Variants in FBXL19 observed in about 807,000 individuals in gnomAD.
The protein encoded by FBXL19 is F-box and leucine rich repeat protein 19.
Under a neutral mutation model 71.2 loss-of-function variants are expected in FBXL19, and 16 were observed. That is an observed-to-expected ratio of 0.22 (90% CI 0.15 to 0.34). The LOEUF is 0.34. FBXL19 is among the 10% of genes least tolerant of loss of function. The probability of loss-of-function intolerance (pLI) is 1.00; values close to 1 mark genes in which losing one functional copy is unlikely to be tolerated. For synonymous variants in FBXL19, 447 were observed against 409.4 expected (o/e 1.09, Z -1.11); for missense variants, 658 against 968.2 (o/e 0.68, Z 4.25).
intron 7 of FBXL19, among the ~76,000 whole-genome samples, chr16:30,934,598 C>T (rs1011227607): frequency 6.6e-6 from 1 of 151,928 alleles, no homozygotes; most frequent in African/African-American, 2.4e-5. Flanking sequence ...GCGGAGGTTG[C>T]AGTGAGCCAA....
chr16:30,940,953 G>GCCACTGCACCCAGC (rs1567341450), intron 7 of FBXL19, among the ~76,000 whole-genome samples: 1 of 152,102 alleles, frequency 6.6e-6, no homozygotes, highest in African/African-American at 2.4e-5. Flanking sequence ...ACAGGTGTGA[G>GCCACTGCACCCAGC]CCACTGCACC....
chr16:30,936,783 C>T (rs1377984606), intron 7 of FBXL19, among the ~76,000 whole-genome samples: 1 of 141,558 alleles, frequency 7.1e-6, no homozygotes. Context: ...GACTCTGTTA[C>T]CCAGGCTGGA....
rs1265246837 is a variant in FBXL19 at position 30,926,822 on chromosome 16, G to T, written c.178-486G>T. Among the ~76,000 whole-genome samples, 3 of 152,230 alleles carry T rather than the reference G, an allele frequency of 2.0e-5. No individual in the cohort carries two copies. The East Asian group carries it at 5.8e-4, about 29-fold the overall frequency. On this transcript the variant is annotated intron_variant, in intron 2 of 10. Transcript: ENST00000338343. ...TGCCCCCACTTCCCCAAGACTAGTGGCTTCCCTAGTGTTCCCAGGGGGTCT... is the reference window on the plus strand; with the variant it reads ...TGCCCCCACTTCCCCAAGACTAGTGTCTTCCCTAGTGTTCCCAGGGGGTCT...
intron 7 of FBXL19, among the ~76,000 whole-genome samples, chr16:30,939,418 T>G (rs1040778399): frequency 7.0e-5 from 10 of 142,176 alleles, no homozygotes; most frequent in South Asian, 4.5e-4. Context: ...GGTTTTTTTT[T>G]TTGTTTTTTT....
intron 7 of FBXL19, among the ~76,000 whole-genome samples, chr16:30,936,165 C>T (rs1184283693): frequency 6.6e-6 from 1 of 152,166 alleles, no homozygotes; most frequent in Non-Finnish European, 1.5e-5. Context: ...TGCCTGAGGC[C>T]CCCCAAAGCC....
In FBXL19 at chr16:30,930,500, G is replaced by A. The variant is rs1300407300; in HGVS notation, c.1217G>A (p.Arg406Gln). 2.0e-6 allele frequency: 3 copies of A among 1,530,444 alleles called. No homozygotes were observed. Among genetic ancestry groups the A allele is most frequent in the South Asian group, 1.2e-5 (1 of 83,240 alleles). The allele number at this position is 1,530,444 out of a possible 1,614,324, so 94.8% of individuals were successfully genotyped here. A position where few individuals can be genotyped will look rare whatever the true frequency, so the allele number is the denominator to read the frequency against. Residue 406 changes from arginine (R) to glutamine (Q), a missense_variant, in exon 7 of 11, where the codon CGG (arginine) becomes CAG (glutamine). Physicochemically the swap from Arg to Gln is conservative, Grantham distance 43. This residue lies in a region of FBXL19 where 447 missense variants were observed against 515.4 expected (regional missense o/e 0.87). Transcript: ENST00000338343. The surrounding 1 kb of genome is among the most constrained non-coding windows in gnomAD (Gnocchi z 8.5). ...LAAGSDHPLPRAAWLRVFQHL... is the reference protein window; with the variant it reads ...LAAGSDHPLPQAAWLRVFQHL... ...GCTGGATCCGACCACCCCCTGCCCC[G>A]GGCCGCCTGGCTTCGCGTCTTCCAG...
At chr16:30,937,290 A>G (rs2055749729) in intron 7 of FBXL19, among the ~76,000 whole-genome samples, 1 of 151,892 alleles carries the variant, frequency 6.6e-6, no homozygotes, top group African/African-American at 2.4e-5. Context: ...GTTCTTGCCC[A>G]TCTGGAACAC....
intron 1 of FBXL19, chr16:30,924,741 G>T (rs1328595597): frequency 6.7e-7 from 1 of 1,495,668 alleles, no homozygotes; most frequent in East Asian, 2.7e-5. Flanking sequence ...GGATGGGTAT[G>T]AAAGTCCCCG....
intron 6 of FBXL19, among the ~76,000 whole-genome samples, chr16:30,929,235 G>T (rs2055640873): frequency 6.6e-6 from 1 of 152,128 alleles, no homozygotes; most frequent in African/African-American, 2.4e-5. Context: ...TGTAACCTTG[G>T]ACAAGTCACT....
In FBXL19 at chr16:30,925,446, AGAGGG is replaced by A. The variant is rs2055579827; in HGVS notation, c.-24-284_-24-280del. Among the ~76,000 whole-genome samples, 1 of 152,024 alleles carries A rather than the reference AGAGGG, an allele frequency of 6.6e-6. No homozygotes were observed. Among genetic ancestry groups the A allele is most frequent in the African/African-American group, 2.4e-5 (1 of 41,388 alleles). On this transcript the variant is annotated intron_variant, in intron 1 of 10. Transcript: ENST00000338343. The surrounding 1 kb of genome is among the most constrained non-coding windows in gnomAD (Gnocchi z 5.0). The stretch of plus-strand genomic sequence containing the variant: ...AGCTCCGGTGTGGGGATGGCAGAGG[AGAGGG>A]CCTCGGTGTCCCCTCCTGCTCCCTG...
At position 30,930,475 on chromosome 16, in the gene FBXL19, G is replaced by A. The variant is rs1252666118; in HGVS notation, c.1192G>A (p.Ala398Thr). The change falls in exon 7 of 11, where the codon GCT (alanine) becomes ACT (threonine). Residue 398 changes from alanine to threonine, a missense_variant. By Grantham distance (58) the Ala-to-Thr change is moderately conservative. This residue lies in a region of FBXL19 where 447 missense variants were observed against 515.4 expected (regional missense o/e 0.87). Coordinates refer to ENST00000338343, the MANE Select transcript of FBXL19 (RefSeq NM_001382779.1). The surrounding 1 kb of genome is among the most constrained non-coding windows in gnomAD (Gnocchi z 8.5). ...TGAGCCCGACACACTCCCCTTGGCT[G>A]CTGGATCCGACCACCCCCTGCCCCG... is the stretch of plus-strand genomic sequence containing the variant. ...SPEPDTLPLA[A>T]GSDHPLPRAA... 1 of 1,534,068 alleles carries A rather than the reference G, an allele frequency of 6.5e-7. No individual in the cohort carries two copies.
At chr16:30,923,134 G>A (rs2055542285), upstream of FBXL19, 3 of 456,408 alleles carry the variant, frequency 6.6e-6, no homozygotes. Flanking sequence ...GGCAGCAGAT[G>A]GACTGCGACT....
At chr16:30,944,787 G>A (rs1198190727) in intron 9 of FBXL19, among the ~76,000 whole-genome samples, 1 of 152,130 alleles carries the variant, frequency 6.6e-6, no homozygotes, top group Non-Finnish European at 1.5e-5. Context: ...CTTTAGCTGT[G>A]GCCCAAGGTT....
In FBXL19 at chr16:30,942,705, C is replaced by T. The variant is rs1245202610; in HGVS notation, c.1627+169C>T. Reference sequence around the variant, plus strand: ...TGGGCATTATTCATTCATTCACCCACCTGCTGTGTACTTTGAACTGAGTCT... The same window carrying T: ...TGGGCATTATTCATTCATTCACCCATCTGCTGTGTACTTTGAACTGAGTCT... On this transcript the variant is annotated intron_variant, in intron 9 of 10. Coordinates refer to ENST00000338343, the MANE Select transcript of FBXL19 (RefSeq NM_001382779.1). This position sits in a 1 kb window ranked among gnomAD's most constrained non-coding sequence, Gnocchi z 5.7. Among the ~76,000 whole-genome samples, 1 of 152,246 alleles carries T rather than the reference C, an allele frequency of 6.6e-6. No homozygotes were observed. The highest frequency in any genetic ancestry group is 2.4e-5 in the African/African-American group (1 of 41,454).
chr16:30,932,560 A>G (rs1240209136), intron 7 of FBXL19, among the ~76,000 whole-genome samples: 1 of 152,196 alleles, frequency 6.6e-6, no homozygotes, highest in Admixed American at 6.5e-5. Flanking sequence ...CTGCGTGGCC[A>G]TGTGTGGAGA....
chr16:30,939,409 G>GTT (rs56763510), intron 7 of FBXL19, among the ~76,000 whole-genome samples: 2 of 123,666 alleles, frequency 1.6e-5, no homozygotes, highest in East Asian at 2.5e-4. Context: ...CAATACTGGG[G>GTT]TTTTTTTTTT....
intron 6 of FBXL19, 38 bp downstream of exon 6, chr16:30,928,666 C>G: frequency 6.8e-7 from 1 of 1,468,444 alleles, no homozygotes; most frequent in Non-Finnish European, 9.0e-7. Flanking sequence ...TCCCACCTTC[C>G]CTTGCCCCAC....
intron 9 of FBXL19, among the ~76,000 whole-genome samples, chr16:30,944,418 A>G (rs892494958): frequency 2.6e-5 from 4 of 151,840 alleles, no homozygotes; most frequent in African/African-American, 9.7e-5. Context: ...CTCATCATTT[A>G]GCTCCCATTT....
rs1282434272 is a variant in FBXL19, at chr16:30,923,686, CTTCCCCT to C, written c.-792_-786del. On this transcript the variant is annotated 5_prime_UTR_variant, in exon 1 of 11. Coordinates refer to ENST00000338343, the MANE Select transcript of FBXL19 (RefSeq NM_001382779.1). ...GGGGCTGAGACACCCCAACTGCCCC[CTTCCCCT>C]TTCCCTCTCCCCCTCTATCCTTTCC... Among the ~76,000 whole-genome samples the C allele has an allele frequency of 6.6e-6, 1 of 151,800 alleles. No homozygotes were observed. Among genetic ancestry groups the C allele is most frequent in the Non-Finnish European group, 1.5e-5 (1 of 67,898 alleles).
Sources: allele counts gnomAD v4.1 joint callset (sites outside exome capture counted in the v4.1 genomes callset), GRCh38; gene constraint gnomAD v4.1.1; regional missense constraint gnomAD v4.1.1; non-coding constraint Gnocchi (gnomAD v3.1); transcripts MANE v1.5; gene names NCBI Gene and HGNC (gene_info 2026-07-23, HGNC 2026-07-21).